Variants in ZFYVE28 observed in about 807,000 individuals in gnomAD.
The protein encoded by ZFYVE28 is zinc finger FYVE-type containing 28.
In ZFYVE28, 40 loss-of-function variants were observed where a neutral mutation model predicts 82.1. That is an observed-to-expected ratio of 0.49 (90% confidence interval 0.38 to 0.63). The LOEUF (loss-of-function observed/expected upper bound fraction) is 0.63. Among genes scored for constraint, ZFYVE28 ranks in the 30% least tolerant of loss-of-function variants. The probability of loss-of-function intolerance (pLI) is 0.00; values close to 1 mark genes in which losing one functional copy is unlikely to be tolerated. For missense variants in ZFYVE28, 1,321 were observed against 1,242.1 expected, an observed-to-expected ratio of 1.06 and a Z score of -0.96; for synonymous variants, 612 against 546.1, an observed-to-expected ratio of 1.12 and a Z score of -1.68.
rs762843 is a variant in ZFYVE28, at chr4:2,372,101, G to A, written c.40-18028C>T. ...TGCAGCGTGTGGCCGGTTCTGGTGC[G>A]CATGGCCCATGTGGACATCTGTCAG... On this transcript the variant is annotated intron_variant, in intron 1 of 12. Coordinates refer to ENST00000290974, the MANE Select transcript of ZFYVE28 (RefSeq NM_020972.3). The surrounding 1 kb of genome is among the most constrained non-coding windows in gnomAD (Gnocchi z 5.2). 0.61 allele frequency among the ~76,000 whole-genome samples: 93,300 copies of A among 152,056 alleles called. 29,509 individuals are homozygous for A. The highest frequency in any genetic ancestry group is 0.74 in the East Asian group (3,799 of 5,162).
intron 8 of ZFYVE28, 146 bp from the exon 9 acceptor site, chr4:2,274,362 C>A: frequency 9.7e-7 from 1 of 1,030,156 alleles, no homozygotes. Flanking sequence ...ACACAACTTT[C>A]CTGTAACTTC....
At chr4:2,399,823 G>A (rs543795344) in intron 1 of ZFYVE28, among the ~76,000 whole-genome samples, 2 of 152,346 alleles carry the variant, frequency 1.3e-5, no homozygotes, top group Admixed American at 6.5e-5. Context: ...AACGCTGCCG[G>A]ACGTGAGCCG....
rs770585256 is a variant in ZFYVE28 at position 2,304,729 on chromosome 4, G to A, written c.1611C>T (p.Ala537=). ...LDSAVATQEA[A]SEPVAEGMDG... ...CCATCCCCTCGGCCACGGGCTCCGA[G>A]GCGGCCTCCTGGGTGGCGACCGCAG... The change falls in exon 8 of 13, where the codon GCC becomes GCT. Residue 537 remains alanine (A), a synonymous_variant. Transcript: ENST00000290974. The A allele has an allele frequency of 1.7e-5, 27 of 1,612,634 alleles. No individual in the cohort carries two copies. Among genetic ancestry groups the A allele is most frequent in the Non-Finnish European group, 2.0e-5 (24 of 1,179,968 alleles).
Position 2,351,967 on chromosome 4 carries a change from C to T in ZFYVE28, c.180+1966G>A, listed in dbSNP as rs1337884581. On this transcript the variant is annotated intron_variant, in intron 2 of 12. Transcript: ENST00000290974. The stretch of plus-strand genomic sequence containing the variant: ...AAAGACATGAAATACAATTATCCCT[C>T]AGTACACGCAGGGGACAGGTTCCAG... 2.0e-5 allele frequency among the ~76,000 whole-genome samples: 3 copies of T among 152,214 alleles called. No homozygotes were observed. The East Asian group carries it at 5.8e-4, about 29-fold the overall frequency.
chr4:2,304,490 G>A lies in ZFYVE28; in HGVS notation c.1850C>T (p.Ser617Leu), dbSNP rs1048728830. The A allele has an allele frequency of 1.9e-6, 3 of 1,612,964 alleles. No homozygotes were observed. Among genetic ancestry groups the A allele is most frequent in the Non-Finnish European group, 2.5e-6 (3 of 1,179,700 alleles). The change falls in exon 8 of 13, where the codon TCA (serine) becomes TTA (leucine). Residue 617 changes from serine (S) to leucine (L), a missense_variant. Physicochemically the swap from Ser to Leu is moderately radical, Grantham distance 145. This residue lies in a region of ZFYVE28 where 978 missense variants were observed against 833.7 expected (regional missense o/e 1.17). Transcript: ENST00000290974. Reference protein sequence around the residue: ...PERQEEAPPPSEDASNGREPK... With the variant: ...PERQEEAPPPLEDASNGREPK... ...CTCCCGCCCGTTGGAGGCATCTTCT[G>A]AGGGTGGGGGCGCCTCCTCCTGTCT...
chr4:2,287,481 G>C (rs891852507), intron 8 of ZFYVE28: 1 of 152,268 alleles, frequency 6.6e-6, no homozygotes, highest in African/African-American at 2.4e-5. Context: ...AGCCCCTGAA[G>C]GGCCTCTGAG....
At chr4:2,353,242 C>T (rs1044941997) in intron 2 of ZFYVE28, among the ~76,000 whole-genome samples, 3 of 152,234 alleles carry the variant, frequency 2.0e-5, no homozygotes, top group African/African-American at 7.2e-5. Context: ...GGCCACTTTG[C>T]AGGAGCCCCA....
rs774076503 is a variant in ZFYVE28, at chr4:2,332,172, C to T, written c.701+3533G>A. 1.9e-4 allele frequency among the ~76,000 whole-genome samples: 29 copies of T among 152,258 alleles called. No individual in the cohort carries two copies. The highest frequency in any genetic ancestry group is 3.9e-4 in the African/African-American group (16 of 41,552). ...AGAGGAGCTCCACCCTCAGCTCCTG[C>T]CCCGCTCAGCACCCCTGCCTCCCCT... On this transcript the variant is annotated intron_variant, in intron 6 of 12. Coordinates refer to ENST00000290974, the MANE Select transcript of ZFYVE28 (RefSeq NM_020972.3). The surrounding 1 kb of genome is among the most constrained non-coding windows in gnomAD (Gnocchi z 4.7).
In ZFYVE28 at chr4:2,320,824, T is replaced by C. The variant is rs1204307969; in HGVS notation, c.702-553A>G. 6.6e-6 allele frequency among the ~76,000 whole-genome samples: 1 copy of C among 152,054 alleles called. No homozygotes were observed. Among genetic ancestry groups the C allele is most frequent in the Non-Finnish European group, 1.5e-5 (1 of 68,004 alleles). ...CACACAGGACCCACCTCCCTTGTGG[T>C]GCCCACCATGCCCCGAGAAGCTCCC... On this transcript the variant is annotated intron_variant, in intron 6 of 12. Transcript: ENST00000290974. This position sits in a 1 kb window ranked among gnomAD's most constrained non-coding sequence, Gnocchi z 5.1.
intron 1 of ZFYVE28, among the ~76,000 whole-genome samples, chr4:2,355,606 C>A (rs1396831241): frequency 6.6e-6 from 1 of 151,640 alleles, no homozygotes; most frequent in Non-Finnish European, 1.5e-5. Flanking sequence ...GAGACAGGGT[C>A]TCACTCTGTT....
At position 2,362,865 on chromosome 4, in the gene ZFYVE28, C is replaced by T. The variant is rs532999574; in HGVS notation, c.40-8792G>A. Among the ~76,000 whole-genome samples, 250 of 151,904 alleles carry T rather than the reference C, an allele frequency of 1.6e-3. 2 individuals are homozygous for T. The Middle Eastern group carries it at 0.02, about 12-fold the overall frequency. On this transcript the variant is annotated intron_variant, in intron 1 of 12. Coordinates refer to ENST00000290974, the MANE Select transcript of ZFYVE28 (RefSeq NM_020972.3). The surrounding 1 kb of genome is among the most constrained non-coding windows in gnomAD (Gnocchi z 5.1). Reference sequence around the variant, plus strand: ...GGCCTGGCAGGGAGTGAGGATGGGACGGTCCTGCTCACTTCCTGCCTTGGC... The same window carrying T: ...GGCCTGGCAGGGAGTGAGGATGGGATGGTCCTGCTCACTTCCTGCCTTGGC...
chr4:2,291,332 G>A (rs1713660129), intron 8 of ZFYVE28, among the ~76,000 whole-genome samples: 1 of 152,234 alleles, frequency 6.6e-6, no homozygotes, highest in Non-Finnish European at 1.5e-5. Flanking sequence ...ATGGGGTGGA[G>A]GAAAACGACC....
intron 1 of ZFYVE28, among the ~76,000 whole-genome samples, chr4:2,368,061 A>G (rs770546971): frequency 2.0e-5 from 3 of 151,956 alleles, no homozygotes; most frequent in Non-Finnish European, 2.9e-5. Flanking sequence ...TTTTATTGAG[A>G]TGGGACTCAC....
In ZFYVE28 at chr4:2,300,662, G is replaced by A. The variant is rs532384969; in HGVS notation, c.2051+3627C>T. On this transcript the variant is annotated intron_variant, in intron 8 of 12. Transcript: ENST00000290974. This position sits in a 1 kb window ranked among gnomAD's most constrained non-coding sequence, Gnocchi z 4.6. ...CCTGTCCTTCCTCCTGGAGGCTGTCGTCTGCCTGGCCAGAAACACAGGCTC... is the reference window on the plus strand; with the variant it reads ...CCTGTCCTTCCTCCTGGAGGCTGTCATCTGCCTGGCCAGAAACACAGGCTC... 1.2e-4 allele frequency among the ~76,000 whole-genome samples: 18 copies of A among 152,104 alleles called. No homozygotes were observed. The highest frequency in any genetic ancestry group is 3.6e-4 in the African/African-American group (15 of 41,474).
intron 6 of ZFYVE28, among the ~76,000 whole-genome samples, chr4:2,325,611 T>TA (rs1491115271): frequency 8.5e-5 from 11 of 129,576 alleles, no homozygotes; most frequent in Non-Finnish European, 1.5e-4. Context: ...TTTTTTTTTT[T>TA]GCTTTTAAGA....
rs544299861 is a variant in ZFYVE28 at position 2,279,008 on chromosome 4, C to G, written c.2052-4792G>C. 8.6e-5 allele frequency among the ~76,000 whole-genome samples: 13 copies of G among 150,954 alleles called. 1 individual carries two copies. The highest frequency in any genetic ancestry group is 2.6e-4 in the Admixed American group (4 of 15,178). On this transcript the variant is annotated intron_variant, in intron 8 of 12. Coordinates refer to ENST00000290974, the MANE Select transcript of ZFYVE28 (RefSeq NM_020972.3). ...GGTGAGGATGTGAAGGAACTGGAAT[C>G]CTCCTCTCTTCCTTATGGAAAAATA...
At position 2,399,822 on chromosome 4, in the gene ZFYVE28, G is replaced by A. The variant is rs572959860; in HGVS notation, c.39+18463C>T. 6.6e-5 allele frequency among the ~76,000 whole-genome samples: 10 copies of A among 152,342 alleles called. No individual in the cohort carries two copies. The South Asian group carries it at 1.7e-3, about 25-fold the overall frequency. On this transcript the variant is annotated intron_variant, in intron 1 of 12. Coordinates refer to ENST00000290974, the MANE Select transcript of ZFYVE28 (RefSeq NM_020972.3). ...ACACCATCTGGACCCAAACGCTGCC[G>A]GACGTGAGCCGTACCAGTCACGTGG...
intron 1 of ZFYVE28, among the ~76,000 whole-genome samples, chr4:2,406,842 G>C (rs1344926966): frequency 6.6e-6 from 1 of 152,110 alleles, no homozygotes; most frequent in Admixed American, 6.6e-5. Flanking sequence ...GCTTTGATTG[G>C]ATTATTTCCT....
intron 1 of ZFYVE28, 145 bp from the exon 2 acceptor site, chr4:2,354,218 C>T: frequency 2.1e-6 from 2 of 958,990 alleles, no homozygotes; most frequent in Non-Finnish European, 2.9e-6. Context: ...CAGCTTTCCA[C>T]ACCAGGATCT....
Sources: gnomAD v4.1 joint callset for allele counts (sites outside exome capture counted in the v4.1 genomes callset) on GRCh38, gnomAD v4.1.1 for gene constraint, gnomAD v4.1.1 regional missense constraint, Gnocchi (gnomAD v3.1) non-coding constraint, MANE v1.5 for transcripts, NCBI Gene and HGNC (gene_info 2026-07-23, HGNC 2026-07-21) for gene names.